Variants in ACBD7 observed in about 807,000 individuals in gnomAD.
The protein encoded by ACBD7 is acyl-CoA-binding domain-containing protein 7.
A neutral mutation model predicts 13.7 loss-of-function variants in ACBD7; 11 were observed. The ratio of observed to expected loss-of-function variants is 0.80; its 90% CI spans 0.50 to 1.33. The LOEUF is 1.33. ACBD7 is among the 40% of genes most tolerant of loss of function. The pLI is 0.00. For synonymous variants in ACBD7, 43 were observed against 37.7 expected (o/e 1.14, Z -0.51); for missense variants, 111 against 103.0 (o/e 1.08, Z -0.33).
In ACBD7 at chr10:15,086,039, A is replaced by G. The variant is rs190150801; in HGVS notation, c.12+2678T>C. On this transcript the variant is annotated intron_variant, in intron 1 of 3. Transcript: ENST00000356189. ...AAAGTTACTTTCAGCTGGGCGTGGT[A>G]GCTCACATCTGTAATCCCAGCACTT... is the stretch of plus-strand genomic sequence containing the variant. 1.1e-4 allele frequency among the ~76,000 whole-genome samples: 17 copies of G among 152,278 alleles called. No individual in the cohort carries two copies. The East Asian group carries it at 3.1e-3, about 28-fold the overall frequency.
At chr10:15,086,579 G>A (rs1219695791) in intron 1 of ACBD7, among the ~76,000 whole-genome samples, 1 of 152,046 alleles carries the variant, frequency 6.6e-6, no homozygotes, top group East Asian at 1.9e-4. Flanking sequence ...CATAAGTCAC[G>A]CACAAGAATA....
Position 15,086,982 on chromosome 10 carries a change from C to T in ACBD7, c.12+1735G>A, listed in dbSNP as rs368132194. Reference sequence around the variant, plus strand: ...GAGCCAAGATTGCGCCATTGCACTCCAGCCTGGGCAACAAGAGTGAAACTC... The same window carrying T: ...GAGCCAAGATTGCGCCATTGCACTCTAGCCTGGGCAACAAGAGTGAAACTC... On this transcript the variant is annotated intron_variant, in intron 1 of 3. Coordinates refer to ENST00000356189, the MANE Select transcript of ACBD7 (RefSeq NM_001039844.3). Among the ~76,000 whole-genome samples, 16 of 147,540 alleles carry T rather than the reference C, an allele frequency of 1.1e-4. No individual in the cohort carries two copies. The East Asian group carries it at 2.8e-3, about 26-fold the overall frequency.
At chr10:15,085,518 A>C (rs1844798779) in intron 1 of ACBD7, among the ~76,000 whole-genome samples, 1 of 152,224 alleles carries the variant, frequency 6.6e-6, no homozygotes, top group Admixed American at 6.5e-5. Context: ...GAAGATAAAA[A>C]ATTCTCACAC....
At chr10:15,083,954 T>C (rs1381249258) in intron 1 of ACBD7, among the ~76,000 whole-genome samples, 5 of 152,092 alleles carry the variant, frequency 3.3e-5, no homozygotes, top group Non-Finnish European at 7.4e-5. Context: ...CATAGCCTGG[T>C]GGGAGATGAA....
At chr10:15,087,406 C>T (rs1564541803) in intron 1 of ACBD7, among the ~76,000 whole-genome samples, 5 of 152,214 alleles carry the variant, frequency 3.3e-5, no homozygotes, top group South Asian at 4.1e-4. Context: ...TACAACTTTA[C>T]GCAGGATAAC....
rs34941547 is a variant in ACBD7 at position 15,076,503 on chromosome 10, ATTT to A, written c.*2024_*2026del. 0.015 allele frequency: 12,320 copies of A among 833,364 alleles called. No individual in the cohort carries two copies. The highest frequency in any genetic ancestry group is 0.027 in the Middle Eastern group (42 of 1,560). The allele number at this position is 833,364 out of a possible 1,614,324, so 51.6% of individuals were successfully genotyped here. A position where few individuals can be genotyped will look rare whatever the true frequency, so the allele number is the denominator to read the frequency against. On this transcript the variant is annotated 3_prime_UTR_variant, in exon 4 of 4. Transcript: ENST00000356189. Reference sequence around the variant, plus strand: ...TTAAACTGCTATGGACAGACTTGTAATTTTTTTTTTTTTTTTTGAGACGGAGTC... The same window carrying A: ...TTAAACTGCTATGGACAGACTTGTAATTTTTTTTTTTTTTGAGACGGAGTC...
At chr10:15,088,671 C>T in intron 1 of ACBD7, 46 bp downstream of exon 1, 9 of 1,588,146 alleles carry the variant, frequency 5.7e-6, no homozygotes, top group Non-Finnish European at 7.7e-6. Context: ...TAAGCACTCC[C>T]CTCGCGGAGC....
At chr10:15,087,948 G>C (rs1170677402) in intron 1 of ACBD7, among the ~76,000 whole-genome samples, 1 of 152,150 alleles carries the variant, frequency 6.6e-6, no homozygotes, top group East Asian at 1.9e-4. Flanking sequence ...AGGTTGCAGT[G>C]AGCAGAGATC....
At chr10:15,083,975 G>A (rs1844778918) in intron 1 of ACBD7, among the ~76,000 whole-genome samples, 1 of 152,238 alleles carries the variant, frequency 6.6e-6, no homozygotes, top group African/African-American at 2.4e-5. Flanking sequence ...CAGGGCAACG[G>A]TGACCACAGG....
At position 15,076,533 on chromosome 10, in the gene ACBD7, T is replaced by C; in HGVS notation, c.*1997A>G. 3 of 880,692 alleles carry C rather than the reference T, an allele frequency of 3.4e-6. No homozygotes were observed. The highest frequency in any genetic ancestry group is 1.0e-4 in the South Asian group (2 of 19,064). The allele number at this position is 880,692 out of a possible 1,614,324, so 54.6% of individuals were successfully genotyped here. Reference sequence around the variant, plus strand: ...TTTTTTTTTTTTTGAGACGGAGTCTTGTTTTGTCGCCCAGGCTGGAGTGCA... The same window carrying C: ...TTTTTTTTTTTTTGAGACGGAGTCTCGTTTTGTCGCCCAGGCTGGAGTGCA... On this transcript the variant is annotated 3_prime_UTR_variant, in exon 4 of 4. Transcript: ENST00000356189.
At chr10:15,081,565 T>C (rs948806345) in intron 1 of ACBD7, among the ~76,000 whole-genome samples, 20 of 152,242 alleles carry the variant, frequency 1.3e-4, no homozygotes, top group African/African-American at 4.3e-4. Context: ...ATATAAGCTC[T>C]GGAAAACTCT....
chr10:15,085,214 C>A (rs1844795869), intron 1 of ACBD7, among the ~76,000 whole-genome samples: 1 of 152,212 alleles, frequency 6.6e-6, no homozygotes, highest in Non-Finnish European at 1.5e-5. Flanking sequence ...TACTACAGCC[C>A]CTCCCTGGAC....
At chr10:15,084,540 T>G (rs1589261564) in intron 1 of ACBD7, among the ~76,000 whole-genome samples, 1 of 152,160 alleles carries the variant, frequency 6.6e-6, no homozygotes, top group South Asian at 2.1e-4. Context: ...GAAAGTACAT[T>G]CCACAGGGTG....
chr10:15,085,341 G>A (rs1333288086), intron 1 of ACBD7, among the ~76,000 whole-genome samples: 3 of 152,114 alleles, frequency 2.0e-5, no homozygotes, highest in Admixed American at 6.6e-5. Context: ...CTGACTAGGC[G>A]GGCTGCTGTG....
At position 15,075,935 on chromosome 10, in the gene ACBD7, C is replaced by A. The variant is rs1214364262; in HGVS notation, c.*2595G>T. On this transcript the variant is annotated 3_prime_UTR_variant, in exon 4 of 4. Coordinates refer to ENST00000356189, the MANE Select transcript of ACBD7 (RefSeq NM_001039844.3). ...GTTGCAGTGAGCCGAGAGCGTGCCA[C>A]TGCGCTCCAGCCTGGGTAACAGAGT... 5 of 265,566 alleles carry A rather than the reference C, an allele frequency of 1.9e-5. No individual in the cohort carries two copies. Among genetic ancestry groups the A allele is most frequent in the African/African-American group, 1.2e-4 (5 of 42,042 alleles). 16.5% of individuals were successfully genotyped at this position (265,566 alleles called of 1,614,324 possible).
intron 1 of ACBD7, 196 bp downstream of exon 1, chr10:15,088,521 G>T: frequency 2.7e-6 from 2 of 735,678 alleles, no homozygotes; most frequent in Non-Finnish European, 4.1e-6. Context: ...CGGAAGGGTT[G>T]CCCTGGGAGC....
At position 15,077,806 on chromosome 10, in the gene ACBD7, G is replaced by C. The variant is rs1444965920; in HGVS notation, c.*724C>G. ...GAGAATCACTTGAACCCAGGAGGCG[G>C]AGGTTGCAGTGAACCGAGATCACAC... On this transcript the variant is annotated 3_prime_UTR_variant, in exon 4 of 4. Transcript: ENST00000356189. 6.6e-6 allele frequency: 1 copy of C among 152,194 alleles called. No individual in the cohort carries two copies. The highest frequency in any genetic ancestry group is 1.5e-5 in the Non-Finnish European group (1 of 68,108). 9.4% of individuals were successfully genotyped at this position (152,194 alleles called of 1,614,324 possible).
chr10:15,078,428 A>G lies in ACBD7; in HGVS notation c.*102T>C. ...TACAGCTCATGCTAATAGCAAAAATATACATGATACATCAAGTTAACAGTA... is the reference window on the plus strand; with the variant it reads ...TACAGCTCATGCTAATAGCAAAAATGTACATGATACATCAAGTTAACAGTA... On this transcript the variant is annotated 3_prime_UTR_variant, in exon 4 of 4. Transcript: ENST00000356189. The G allele has an allele frequency of 6.3e-7, 1 of 1,594,028 alleles. No homozygotes were observed.
At position 15,076,845 on chromosome 10, in the gene ACBD7, C is replaced by T; in HGVS notation, c.*1685G>A. 1.0e-6 allele frequency: 1 copy of T among 985,342 alleles called. No individual in the cohort carries two copies. The highest frequency in any genetic ancestry group is 4.7e-5 in the South Asian group (1 of 21,286). 61.0% of individuals were successfully genotyped at this position (985,342 alleles called of 1,614,324 possible). On this transcript the variant is annotated 3_prime_UTR_variant, in exon 4 of 4. Coordinates refer to ENST00000356189, the MANE Select transcript of ACBD7 (RefSeq NM_001039844.3). ...TAACCTGTTTTTATTTCACCAGTAA[C>T]ATTAACTTATTGTAACAGAACAGAT...
Sources: allele counts gnomAD v4.1 joint callset (sites outside exome capture counted in the v4.1 genomes callset), GRCh38; gene constraint gnomAD v4.1.1; transcripts MANE v1.5; gene names NCBI Gene and HGNC (gene_info 2026-07-23, HGNC 2026-07-21).